The following MICAL3 variants were observed in gnomAD, a reference collection of about 807,000 sequenced individuals.
MICAL3 encodes the protein [F-actin]-monooxygenase MICAL3.
Under a neutral mutation model 207.4 loss-of-function variants are expected in MICAL3, and 62 were observed. That is an observed-to-expected ratio of 0.30 (90% CI 0.24 to 0.37). MICAL3 has a LOEUF of 0.37. Among genes scored for constraint, MICAL3 ranks in the 10% least tolerant of loss-of-function variants. MICAL3 has a pLI of 1.00. For missense variants in MICAL3, 2,368 were observed against 2,635.6 expected (o/e 0.90, Z 2.22); for synonymous variants, 1,077 against 1,069.3 (o/e 1.01, Z -0.14).
At chr22:17,873,268 A>G (rs1193272703) in intron 16 of MICAL3, among the ~76,000 whole-genome samples, 1 of 152,230 alleles carries the variant, frequency 6.6e-6, no homozygotes, top group African/African-American at 2.4e-5. Flanking sequence ...AGCAGTGCCC[A>G]GGCTGAGCCT....
At position 17,856,573 on chromosome 22, in the gene MICAL3, T is replaced by C. The variant is rs569613180; in HGVS notation, c.2605+8326A>G. On this transcript the variant is annotated intron_variant, in intron 19 of 31. Transcript: ENST00000441493. ...GAAGGCAGCAGCTGGTTCAGAGTAA[T>C]TCACGTTAGATGAAACTCTAGAAGA... Among the ~76,000 whole-genome samples the C allele has an allele frequency of 2.0e-5, 3 of 151,828 alleles. No individual in the cohort carries two copies. In the South Asian group the frequency reaches 6.2e-4, roughly 32 times the overall value.
intron 1 of MICAL3, among the ~76,000 whole-genome samples, chr22:18,018,152 G>C (rs1406976277): frequency 2.0e-5 from 3 of 152,092 alleles, no homozygotes; most frequent in Non-Finnish European, 4.4e-5. Flanking sequence ...GGGATTACAA[G>C]CGTGAGCCAC....
At chr22:17,979,049 T>C (rs545619134) in intron 1 of MICAL3, among the ~76,000 whole-genome samples, 126 of 150,718 alleles carry the variant, frequency 8.4e-4, no homozygotes, top group Middle Eastern at 3.5e-3. Flanking sequence ...GGTGGTACAC[T>C]TGTGGTCCCA....
intron 1 of MICAL3, among the ~76,000 whole-genome samples, chr22:17,963,913 G>A (rs1191226723): frequency 2.0e-5 from 3 of 152,176 alleles, no homozygotes; most frequent in Non-Finnish European, 2.9e-5. Flanking sequence ...TTTTAAGGAC[G>A]TGGTCCCTAC....
intron 1 of MICAL3, among the ~76,000 whole-genome samples, chr22:17,923,498 C>A (rs1400327975): frequency 6.6e-6 from 1 of 151,950 alleles, no homozygotes; most frequent in Non-Finnish European, 1.5e-5. Flanking sequence ...CAGCTCCATT[C>A]CACATCTACC....
intron 29 of MICAL3, among the ~76,000 whole-genome samples, chr22:17,802,682 T>C (rs2061952449): frequency 1.3e-5 from 2 of 152,100 alleles, no homozygotes; most frequent in African/African-American, 2.4e-5. Flanking sequence ...AACTATGACA[T>C]TGGTTTTTAA....
rs150493061 is a variant in MICAL3 at position 17,947,794 on chromosome 22, G to A, written c.-74-40908C>T. ...ATGTCACCCAGGTGAAACTTCCTGG[G>A]CTCAAGTGATTCTCCCACTTCAGCC... On this transcript the variant is annotated intron_variant, in intron 1 of 31. Transcript: ENST00000441493. Among the ~76,000 whole-genome samples the A allele has an allele frequency of 4.8e-3, 738 of 152,210 alleles. 5 individuals carry two copies. Among genetic ancestry groups the A allele is most frequent in the African/African-American group, 0.017 (686 of 41,518 alleles).
chr22:17,967,540 C>T (rs1013381404), intron 1 of MICAL3, among the ~76,000 whole-genome samples: 3 of 151,862 alleles, frequency 2.0e-5, no homozygotes, highest in Non-Finnish European at 4.4e-5. Flanking sequence ...CCACTGACAA[C>T]AGCTCAGAAG....
intron 29 of MICAL3, among the ~76,000 whole-genome samples, chr22:17,795,846 A>T (rs2061870602): frequency 7.0e-6 from 1 of 143,402 alleles, no homozygotes; most frequent in Non-Finnish European, 1.5e-5. Context: ...GGGAAAAACC[A>T]ATCCAACAAG....
chr22:18,015,270 T>C (rs1449303945), intron 1 of MICAL3, among the ~76,000 whole-genome samples: 1 of 152,198 alleles, frequency 6.6e-6, no homozygotes, highest in Non-Finnish European at 1.5e-5. Flanking sequence ...AAAAACATTC[T>C]ACTTTGTAAT....
intron 1 of MICAL3, among the ~76,000 whole-genome samples, chr22:18,023,599 GCCT>G (rs931211758): frequency 2.0e-5 from 3 of 152,260 alleles, no homozygotes; most frequent in African/African-American, 7.2e-5. Context: ...GACACATGCA[GCCT>G]CCAGAAGTCA....
Position 17,891,627 on chromosome 22 carries a change from C to T in MICAL3, c.1552G>A (p.Val518Ile). ...CCCAGCAGTTTGCTTGAACGAGCTACAGACTCTAAAACAACAAAACACAGT... is the reference window on the plus strand; with the variant it reads ...CCCAGCAGTTTGCTTGAACGAGCTATAGACTCTAAAACAACAAAACACAGT... ...TTPKLTRNES[V>I]ARSSKLLGWC... Residue 518 changes from valine to isoleucine, a missense_variant, in exon 12 of 32, where the codon GTA becomes ATA. Val to Ile is a conservative substitution (Grantham distance 29, BLOSUM62 3). This residue lies in a region of MICAL3 where 147 missense variants were observed against 137.7 expected (regional missense o/e 1.07). Transcript: ENST00000441493. 10 of 1,613,878 alleles carry T rather than the reference C, an allele frequency of 6.2e-6. No homozygotes were observed. Among genetic ancestry groups the T allele is most frequent in the Non-Finnish European group, 7.6e-6 (9 of 1,179,828 alleles).
intron 12 of MICAL3, among the ~76,000 whole-genome samples, chr22:17,889,937 G>A (rs1569118112): frequency 6.6e-6 from 1 of 152,152 alleles, no homozygotes; most frequent in African/African-American, 2.4e-5. Context: ...CTACAGGCCT[G>A]GGACTATCAC....
intron 1 of MICAL3, among the ~76,000 whole-genome samples, chr22:17,982,081 G>A (rs867756389): frequency 6.6e-6 from 1 of 151,648 alleles, no homozygotes; most frequent in South Asian, 2.1e-4. Flanking sequence ...CTCCAGCCTG[G>A]GCAACAGAGC....
chr22:17,916,813 A>G (rs987301147), intron 1 of MICAL3, among the ~76,000 whole-genome samples: 1 of 152,166 alleles, frequency 6.6e-6, no homozygotes, highest in African/African-American at 2.4e-5. Flanking sequence ...GAATCAACTC[A>G]GTCTCTGATC....
intron 1 of MICAL3, among the ~76,000 whole-genome samples, chr22:17,971,893 G>T (rs1033745964): frequency 6.6e-6 from 1 of 152,236 alleles, no homozygotes; most frequent in Admixed American, 6.5e-5. Flanking sequence ...ACCGGCACAG[G>T]CGACAATGCA....
intron 16 of MICAL3, among the ~76,000 whole-genome samples, chr22:17,882,584 G>A (rs937621546): frequency 6.6e-6 from 1 of 152,200 alleles, no homozygotes; most frequent in East Asian, 1.9e-4. Flanking sequence ...ATGATTTAGA[G>A]CTGAGAAAGT....
Position 18,002,885 on chromosome 22 carries a change from G to T in MICAL3, c.-75+21396C>A, listed in dbSNP as rs181161323. Reference sequence around the variant, plus strand: ...TCTTAAAGAACTTTAGGCTGGGCGCGGTGGCTCACGCCTATAATCCCAGCA... The same window carrying T: ...TCTTAAAGAACTTTAGGCTGGGCGCTGTGGCTCACGCCTATAATCCCAGCA... On this transcript the variant is annotated intron_variant, in intron 1 of 31. Coordinates refer to ENST00000441493, the MANE Select transcript of MICAL3 (RefSeq NM_015241.3). 2.4e-3 allele frequency among the ~76,000 whole-genome samples: 370 copies of T among 152,186 alleles called. 1 individual carries two copies. The highest frequency in any genetic ancestry group is 8.7e-3 in the African/African-American group (360 of 41,536).
intron 1 of MICAL3, among the ~76,000 whole-genome samples, chr22:17,927,166 T>G (rs945281964): frequency 1.3e-5 from 2 of 152,238 alleles, no homozygotes; most frequent in African/African-American, 4.8e-5. Context: ...GTACCTCATA[T>G]AAGTAGAATC....
Sources: gnomAD v4.1 joint callset for allele counts (sites outside exome capture counted in the v4.1 genomes callset) on GRCh38, gnomAD v4.1.1 for gene constraint, gnomAD v4.1.1 regional missense constraint, MANE v1.5 for transcripts, NCBI Gene and HGNC (gene_info 2026-07-23, HGNC 2026-07-21) for gene names.